Variants in ITIH6 observed in about 807,000 individuals in gnomAD.
ITIH6 encodes inter-alpha-trypsin inhibitor heavy chain H6.
A neutral mutation model predicts 58.2 loss-of-function variants in ITIH6; 60 were observed. The observed-to-expected ratio is 1.03, with a 90% CI of 0.84 to 1.28. ITIH6 has a LOEUF of 1.28. Among genes scored for constraint, ITIH6 ranks in the 50% most tolerant of loss-of-function variants. The probability of loss-of-function intolerance (pLI) is 0.00; values close to 1 mark genes in which losing one functional copy is unlikely to be tolerated. For missense variants in ITIH6, 1,290 were observed against 1,021.1 expected (o/e 1.26, Z -3.59); for synonymous variants, 493 against 417.4 (o/e 1.18, Z -2.21).
intron 12 of ITIH6, among the ~76,000 whole-genome samples, 176 bp downstream of exon 12, chrX:54,750,827 C>A (rs758446366): frequency 1.8e-5 from 2 of 112,172 alleles, no homozygotes; most frequent in Admixed American, 9.4e-5. Flanking sequence ...CAATGATCCC[C>A]TCCTGTGTTC....
intron 5 of ITIH6, among the ~76,000 whole-genome samples, chrX:54,776,206 C>T (rs1321615622): frequency 3.6e-5 from 4 of 110,392 alleles, no homozygotes; most frequent in Admixed American, 9.6e-5. Flanking sequence ...GAACCAAACT[C>T]GGCTGATGCC....
intron 5 of ITIH6, among the ~76,000 whole-genome samples, chrX:54,783,286 G>A (rs967729275): frequency 3.6e-5 from 4 of 111,856 alleles, no homozygotes; most frequent in East Asian, 2.8e-4. Flanking sequence ...AGCACGACAC[G>A]GATGCTCACT....
Position 54,783,373 on chromosome X carries a change from T to C in ITIH6, c.786+5107A>G, listed in dbSNP as rs1448431648. ...ACAAGAGAAAGAAATAAAGGGCATC[T>C]GAATTGGAAAGGAATAAGTCAAATT... On this transcript the variant is annotated intron_variant, in intron 5 of 12. Coordinates refer to ENST00000218436, the MANE Select transcript of ITIH6 (RefSeq NM_198510.3). 7.2e-5 allele frequency among the ~76,000 whole-genome samples: 8 copies of C among 111,812 alleles called. No individual in the cohort carries two copies. In the Admixed American group the frequency reaches 7.6e-4, roughly 11 times the overall value.
chrX:54,758,646 A>T lies in ITIH6; in HGVS notation c.1428T>A (p.Asp476Glu). ...YEEISMPLLA[D>E]VRLNYLGGLV... ...AGCCACCCAGGTAGTTCAGACGCACATCTGCCAGCAGAGGCATGGAGATCT... is the reference window on the plus strand; with the variant it reads ...AGCCACCCAGGTAGTTCAGACGCACTTCTGCCAGCAGAGGCATGGAGATCT... The change falls in exon 8 of 13, where the codon GAT becomes GAA. Residue 476 changes from aspartate to glutamate, a missense_variant. By Grantham distance (45) the Asp-to-Glu change is conservative (BLOSUM62 2). Transcript: ENST00000218436. 1 of 1,211,640 alleles carries T rather than the reference A, an allele frequency of 8.3e-7. No individual in the cohort carries two copies. Among genetic ancestry groups the T allele is most frequent in the African/African-American group, 1.7e-5 (1 of 57,762 alleles).
At chrX:54,765,179 G>T in intron 6 of ITIH6, among the ~76,000 whole-genome samples, 1 of 44,181 alleles carries the variant, frequency 2.3e-5, no homozygotes, top group Non-Finnish European at 4.1e-5. Context: ...CAGATGAGTA[G>T]GTTGCGAAAA....
intron 2 of ITIH6, among the ~76,000 whole-genome samples, chrX:54,794,203 G>T (rs1211410998): frequency 9.1e-6 from 1 of 110,484 alleles, no homozygotes; most frequent in Non-Finnish European, 1.9e-5. Context: ...GGGGTGAGGG[G>T]GGTAGGGTGG....
chrX:54,768,235 A>G (rs1339182667), intron 6 of ITIH6, among the ~76,000 whole-genome samples: 1 of 40,737 alleles, frequency 2.5e-5, no homozygotes, highest in Non-Finnish European at 4.1e-5. Flanking sequence ...TTTGTTTTCC[A>G]TTTGCTTGGT....
At position 54,750,047 on chromosome X, in the gene ITIH6, T is replaced by G. The variant is rs1928321929; in HGVS notation, c.3790A>C (p.Arg1264=). The G allele has an allele frequency of 8.3e-7, 1 of 1,209,263 alleles. No homozygotes were observed. The highest frequency in any genetic ancestry group is 1.8e-5 in the African/African-American group (1 of 57,132). The change falls in exon 13 of 13, where the codon AGG becomes CGG. Residue 1264 remains arginine (R), a synonymous_variant. Coordinates refer to ENST00000218436, the MANE Select transcript of ITIH6 (RefSeq NM_198510.3). ...VTGPMGPCLR[R]HHGPDVPVIL... is the part of the protein sequence containing the mutation. ...ACAGGCACATCTGGGCCATGGTGCC[T>G]TCGTAAGCATGGCCCCATAGGTCCT...
intron 8 of ITIH6, among the ~76,000 whole-genome samples, chrX:54,756,590 A>C (rs1928489153): frequency 3.6e-5 from 4 of 111,511 alleles, no homozygotes; most frequent in Non-Finnish European, 7.5e-5. Flanking sequence ...CAGAGCACAG[A>C]AAAACCAATA....
chrX:54,792,690 T>C (rs1325914169), intron 2 of ITIH6, among the ~76,000 whole-genome samples: 3 of 110,917 alleles, frequency 2.7e-5, no homozygotes, highest in Non-Finnish European at 5.7e-5. Flanking sequence ...GACTGATGAG[T>C]TACAAGCAGA....
At chrX:54,772,347 G>A (rs954001077) in intron 6 of ITIH6, among the ~76,000 whole-genome samples, 1 of 111,877 alleles carries the variant, frequency 8.9e-6, no homozygotes, top group African/African-American at 3.3e-5. Context: ...GGGCCTACTT[G>A]AGGGTGGAAG....
At chrX:54,760,190 T>C (rs955091765) in intron 6 of ITIH6, among the ~76,000 whole-genome samples, 5 of 111,760 alleles carry the variant, frequency 4.5e-5, no homozygotes, top group African/African-American at 1.6e-4. Flanking sequence ...TAAAGAAAAA[T>C]TCAAACATTT....
At position 54,759,830 on chromosome X, in the gene ITIH6, C is replaced by T. The variant is rs1928598369; in HGVS notation, c.1001G>A (p.Gly334Glu). 1.7e-6 allele frequency: 2 copies of T among 1,210,158 alleles called. No homozygotes were observed. Among genetic ancestry groups the T allele is most frequent in the Non-Finnish European group, 2.2e-6 (2 of 894,183 alleles). ...FSDTVNVWKA[G>E]GSIQATIQNV... is the part of the protein sequence containing the mutation. ...CTGGATGGTGGCCTGGATTGAGCCTCCAGCTTTCCAAACATTAACTGTGTC... is the reference window on the plus strand; with the variant it reads ...CTGGATGGTGGCCTGGATTGAGCCTTCAGCTTTCCAAACATTAACTGTGTC... The change falls in exon 7 of 13, where the codon GGA (glycine) becomes GAA (glutamate). Residue 334 changes from glycine (G) to glutamate (E), a missense_variant. Transcript: ENST00000218436.
chrX:54,774,239 C>T (rs1337606401), intron 5 of ITIH6, 42 bp from the exon 6 acceptor site: 3 of 720,615 alleles, frequency 4.2e-6, no homozygotes, highest in Non-Finnish European at 6.0e-6. Flanking sequence ...CCAAGAAGAA[C>T]AGTGAAAGCC....
chrX:54,783,949 A>C (rs1298931258), intron 5 of ITIH6, among the ~76,000 whole-genome samples: 1 of 112,212 alleles, frequency 8.9e-6, no homozygotes, highest in Non-Finnish European at 1.9e-5. Context: ...CGGCAGAGCT[A>C]TAGCAACAAA....
chrX:54,791,932 C>T lies in ITIH6; in HGVS notation c.362G>A (p.Gly121Asp), dbSNP rs1367672408. The T allele has an allele frequency of 2.7e-6, 3 of 1,123,361 alleles. No individual in the cohort carries two copies. Among genetic ancestry groups the T allele is most frequent in the Non-Finnish European group, 1.2e-6 (1 of 816,480 alleles). 92.6% of individuals were successfully genotyped at this position (1,123,361 alleles called of 1,213,427 possible). A position where few individuals can be genotyped will look rare whatever the true frequency, so the allele number is the denominator to read the frequency against. Residue 121 changes from glycine (G) to aspartate (D), a missense_variant, in exon 3 of 13, where the codon GGC becomes GAC. Physicochemically the swap from Gly to Asp is moderately conservative, Grantham distance 94 (BLOSUM62 -1). Transcript: ENST00000218436. ...HQQGKTAAHV[G>D]IRDRESEKFR... ...GGACTGGATGGGGCCTTACCTGATG[C>T]CTACATGAGCAGCTGTCTTTCCCTG...
At chrX:54,788,757 T>A in intron 4 of ITIH6, 108 bp from the exon 5 acceptor site, 1 of 612,284 alleles carries the variant, frequency 1.6e-6, no homozygotes. Context: ...GTGAGAAGTC[T>A]AACTCTTCCC....
At chrX:54,779,858 A>G (rs767154028) in intron 5 of ITIH6, among the ~76,000 whole-genome samples, 98 of 111,677 alleles carry the variant, frequency 8.8e-4, no homozygotes, top group South Asian at 2.3e-3. Context: ...ATGATATTCC[A>G]TGCCAGTGGA....
intron 2 of ITIH6, among the ~76,000 whole-genome samples, chrX:54,792,416 ATGTTT>A (rs2147621676): frequency 8.9e-6 from 1 of 112,127 alleles, no homozygotes; most frequent in African/African-American, 3.2e-5. Flanking sequence ...ATTTACAGTA[ATGTTT>A]CTTAAATTAC....
Sources: allele counts gnomAD v4.1 joint callset (sites outside exome capture counted in the v4.1 genomes callset), GRCh38; gene constraint gnomAD v4.1.1; transcripts MANE v1.5; gene names NCBI Gene and HGNC (gene_info 2026-07-23, HGNC 2026-07-21).